Variants in TP63 observed in about 807,000 individuals in gnomAD.
TP63 encodes the protein tumor protein p63.
TP63 carries 17 observed loss-of-function variants against 82.8 expected under a neutral mutation model. The observed-to-expected ratio is 0.21, with a 90% CI of 0.14 to 0.31. TP63 has a LOEUF of 0.31. Among genes scored for constraint, TP63 ranks in the 10% least tolerant of loss-of-function variants. The probability of loss-of-function intolerance (pLI) is 1.00; values close to 1 mark genes in which losing one functional copy is unlikely to be tolerated. For missense variants in TP63, 648 were observed against 895.3 expected, an observed-to-expected ratio of 0.72 and a Z score of 3.52; for synonymous variants, 330 against 321.7, an observed-to-expected ratio of 1.03 and a Z score of -0.28.
intron 10 of TP63, among the ~76,000 whole-genome samples, chr3:189,874,484 C>T (rs879938867): frequency 6.6e-6 from 1 of 152,160 alleles, no homozygotes; most frequent in Non-Finnish European, 1.5e-5. Context: ...GGCACATTCT[C>T]TGTTCAAAGG....
chr3:189,874,006 A>G (rs1718740600), intron 10 of TP63, among the ~76,000 whole-genome samples: 1 of 152,194 alleles, frequency 6.6e-6, no homozygotes, highest in African/African-American at 2.4e-5. Flanking sequence ...AACAATAAAA[A>G]TGGTTATTTT....
At position 189,707,162 on chromosome 3, in the gene TP63, T is replaced by A. The variant is rs528372373; in HGVS notation, c.63-30578T>A. ...AATACTATCTAAAAAAGGAATTTTT[T>A]AAAAACCATCTACTATTTTATCACT... On this transcript the variant is annotated intron_variant, in intron 1 of 13. Coordinates refer to ENST00000264731, the MANE Select transcript of TP63 (RefSeq NM_003722.5). Among the ~76,000 whole-genome samples the A allele has an allele frequency of 5.3e-5, 8 of 152,366 alleles. 1 individual carries two copies. The South Asian group carries it at 1.4e-3, about 28-fold the overall frequency.
At chr3:189,803,122 A>G (rs1049791422) in intron 3 of TP63, among the ~76,000 whole-genome samples, 3 of 152,118 alleles carry the variant, frequency 2.0e-5, no homozygotes, top group Admixed American at 2.0e-4. Flanking sequence ...AACATGGAGA[A>G]ACCACATCTC....
At chr3:189,801,748 A>G (rs186739678) in intron 3 of TP63, among the ~76,000 whole-genome samples, 194 of 152,312 alleles carry the variant, frequency 1.3e-3, no homozygotes, top group Non-Finnish European at 2.1e-3. Context: ...ACTCAAAGGA[A>G]TCTTGACACT....
At chr3:189,809,389 G>A (rs1334506973) in intron 4 of TP63, among the ~76,000 whole-genome samples, 4 of 151,992 alleles carry the variant, frequency 2.6e-5, no homozygotes, top group Non-Finnish European at 5.9e-5. Context: ...ATTTTATTTT[G>A]AAGTGTATTT....
intron 4 of TP63, among the ~76,000 whole-genome samples, chr3:189,848,242 TCTCTCTCTCTCTC>T (rs1715163260): frequency 1.8e-5 from 2 of 110,348 alleles, no homozygotes; most frequent in East Asian, 5.5e-4. Flanking sequence ...CTCCTCCTTC[TCTCTCTCTCTCTC>T]TCTCTCTCTC....
At chr3:189,893,341 G>A (rs1721209265) in intron 13 of TP63, among the ~76,000 whole-genome samples, 1 of 152,168 alleles carries the variant, frequency 6.6e-6, no homozygotes, top group Admixed American at 6.5e-5. Context: ...GCCAGTCAGT[G>A]ACCATCAAAA....
At chr3:189,741,797 G>A (rs77289163) in intron 3 of TP63, among the ~76,000 whole-genome samples, 3,715 of 152,282 alleles carry the variant, frequency 0.024, 56 homozygotes, top group Non-Finnish European at 0.037. Context: ...GAATTGCAGA[G>A]AATGTGTGCC....
At chr3:189,717,475 A>G (rs573540791) in intron 1 of TP63, among the ~76,000 whole-genome samples, 2 of 152,324 alleles carry the variant, frequency 1.3e-5, no homozygotes, top group South Asian at 2.1e-4. Flanking sequence ...TTCCAGAAGC[A>G]TCTGGATGGG....
intron 3 of TP63, among the ~76,000 whole-genome samples, chr3:189,740,983 G>A (rs1360339344): frequency 1.3e-5 from 2 of 152,114 alleles, no homozygotes; most frequent in Non-Finnish European, 2.9e-5. Context: ...AAGTAGAACA[G>A]GGCTGTACTT....
At chr3:189,695,062 A>G (rs1182614996) in intron 1 of TP63, among the ~76,000 whole-genome samples, 3 of 151,850 alleles carry the variant, frequency 2.0e-5, no homozygotes, top group East Asian at 3.9e-4. Flanking sequence ...TTGACAGCCT[A>G]TTCTTTAAGA....
At chr3:189,777,847 T>TCTTC (rs1242889749) in intron 3 of TP63, among the ~76,000 whole-genome samples, 1 of 43,866 alleles carries the variant, frequency 2.3e-5, no homozygotes, top group African/African-American at 6.8e-5. Context: ...TTCTTCTTCT[T>TCTTC]TTTTTTTTTT....
At chr3:189,616,713 C>G in the TP63 span, among the ~76,000 whole-genome samples, 1 of 152,148 alleles carries the variant, frequency 6.6e-6, no homozygotes, top group African/African-American at 2.4e-5. Flanking sequence ...CTGAAATAAT[C>G]CAGCTCATGA....
intron 1 of TP63, among the ~76,000 whole-genome samples, chr3:189,687,545 G>A (rs993649902): frequency 1.3e-5 from 2 of 152,130 alleles, no homozygotes; most frequent in African/African-American, 4.8e-5. Context: ...AATTTCAAGG[G>A]AATATAGAAT....
At chr3:189,775,817 A>G (rs1723750074) in intron 3 of TP63, among the ~76,000 whole-genome samples, 1 of 152,220 alleles carries the variant, frequency 6.6e-6, no homozygotes, top group Non-Finnish European at 1.5e-5. Flanking sequence ...TAAAGCAGAA[A>G]TTGAGGCAGC....
intron 1 of TP63, among the ~76,000 whole-genome samples, chr3:189,730,414 T>C (rs1720076216): frequency 6.6e-6 from 1 of 152,230 alleles, no homozygotes; most frequent in South Asian, 2.1e-4. Flanking sequence ...GTAAAATATT[T>C]AGTTATTTCA....
intron 1 of TP63, 78 bp downstream of exon 1, chr3:189,631,655 C>T: frequency 1.9e-6 from 3 of 1,607,982 alleles, no homozygotes; most frequent in Non-Finnish European, 2.6e-6. Flanking sequence ...CAGCTGTGTA[C>T]AAAGAACAAT....
intron 3 of TP63, among the ~76,000 whole-genome samples, chr3:189,741,135 A>G (rs981646029): frequency 6.6e-6 from 1 of 152,158 alleles, no homozygotes; most frequent in African/African-American, 2.4e-5. Context: ...TATTGAAAGG[A>G]AAATAAAGGT....
intron 1 of TP63, among the ~76,000 whole-genome samples, chr3:189,656,378 G>A (rs962003603): frequency 3.9e-5 from 6 of 152,074 alleles, no homozygotes; most frequent in African/African-American, 1.4e-4. Flanking sequence ...AATAGAGGAG[G>A]CAAAATGGTC....
Sources: allele counts gnomAD v4.1 joint callset (sites outside exome capture counted in the v4.1 genomes callset), GRCh38; gene constraint gnomAD v4.1.1; transcripts MANE v1.5; gene names NCBI Gene and HGNC (gene_info 2026-07-23, HGNC 2026-07-21).